ROBO1: variants seen among roughly 807,000 people sequenced by gnomAD.
ROBO1 encodes the protein roundabout homolog 1.
A neutral mutation model predicts 195.9 loss-of-function variants in ROBO1; 149 were observed. The ratio of observed to expected loss-of-function variants is 0.76; its 90% CI spans 0.67 to 0.87. ROBO1 has a LOEUF of 0.87. ROBO1 is among the 40% of genes least tolerant of loss of function. The probability of loss-of-function intolerance (pLI) is 0.00; values close to 1 mark genes in which losing one functional copy is unlikely to be tolerated. For synonymous variants in ROBO1, 816 were observed against 733.2 expected, an observed-to-expected ratio of 1.11 and a Z score of -1.82; for missense variants, 1,933 against 2,068.3, an observed-to-expected ratio of 0.93 and a Z score of 1.27.
intron 2 of ROBO1, among the ~76,000 whole-genome samples, chr3:79,238,804 A>T (rs1158517226): frequency 1.3e-4 from 20 of 152,122 alleles, no homozygotes; most frequent in Admixed American, 1.3e-3. Flanking sequence ...TATTTCTCAA[A>T]GTTGTTTCTC....
At chr3:79,339,323 A>G (rs563262579) in intron 2 of ROBO1, among the ~76,000 whole-genome samples, 1 of 152,304 alleles carries the variant, frequency 6.6e-6, no homozygotes, top group South Asian at 2.1e-4. Context: ...AATGGACCGT[A>G]AGAGCCTGCT....
At chr3:79,746,783 C>A (rs1703895757) in intron 1 of ROBO1, among the ~76,000 whole-genome samples, 1 of 151,960 alleles carries the variant, frequency 6.6e-6, no homozygotes, top group South Asian at 2.1e-4. Flanking sequence ...TCAGAGATAG[C>A]CTAAAATAGT....
intron 3 of ROBO1, among the ~76,000 whole-genome samples, chr3:79,051,745 C>T (rs1251837782): frequency 2.0e-5 from 3 of 152,124 alleles, no homozygotes; most frequent in Non-Finnish European, 4.4e-5. Context: ...ATTTCACAGA[C>T]ATTTATTAGT....
intron 4 of ROBO1, among the ~76,000 whole-genome samples, chr3:78,775,000 A>T (rs1283463398): frequency 6.6e-6 from 1 of 152,228 alleles, no homozygotes; most frequent in Non-Finnish European, 1.5e-5. Flanking sequence ...TTGAAAAAAT[A>T]GACTTTTTCC....
chr3:79,054,084 A>G (rs934219213), intron 3 of ROBO1, among the ~76,000 whole-genome samples: 1 of 152,050 alleles, frequency 6.6e-6, no homozygotes, highest in African/African-American at 2.4e-5. Context: ...ACAATTCCAT[A>G]CCTGGTAGTC....
intron 2 of ROBO1, among the ~76,000 whole-genome samples, chr3:79,516,254 T>C (rs1940939329): frequency 1.3e-5 from 2 of 152,166 alleles, no homozygotes; most frequent in Non-Finnish European, 2.9e-5. Context: ...AAGTTCTACT[T>C]GTCAGAAAGC....
chr3:79,429,669 A>G (rs1370969523), intron 2 of ROBO1, among the ~76,000 whole-genome samples: 1 of 152,152 alleles, frequency 6.6e-6, no homozygotes, highest in Non-Finnish European at 1.5e-5. Context: ...TCAGGTTTGA[A>G]GCCAGATAAT....
intron 3 of ROBO1, among the ~76,000 whole-genome samples, chr3:79,110,698 C>A (rs925414499): frequency 6.7e-6 from 1 of 150,018 alleles, no homozygotes; most frequent in Non-Finnish European, 1.5e-5. Flanking sequence ...TCATGGGTCA[C>A]TGCAGCCTTG....
At chr3:79,651,417 T>C (rs2106749728) in intron 1 of ROBO1, among the ~76,000 whole-genome samples, 1 of 152,258 alleles carries the variant, frequency 6.6e-6, no homozygotes, top group African/African-American at 2.4e-5. Context: ...GGAATACTGC[T>C]TTTTTTAAAA....
intron 2 of ROBO1, among the ~76,000 whole-genome samples, chr3:79,198,706 T>C (rs2081694010): frequency 6.6e-6 from 1 of 152,124 alleles, no homozygotes; most frequent in Non-Finnish European, 1.5e-5. Flanking sequence ...TGTCCTCTTT[T>C]ATTTCCTTGA....
intron 4 of ROBO1, among the ~76,000 whole-genome samples, chr3:78,815,120 G>A (rs1365970997): frequency 6.6e-6 from 1 of 151,946 alleles, no homozygotes; most frequent in Non-Finnish European, 1.5e-5. Flanking sequence ...CTCTCCTTGG[G>A]CCTTCCTATT....
chr3:79,591,585 A>C (rs1944000980), intron 1 of ROBO1, among the ~76,000 whole-genome samples: 1 of 151,920 alleles, frequency 6.6e-6, no homozygotes, highest in Non-Finnish European at 1.5e-5. Flanking sequence ...TTACCCTAGT[A>C]TATCACTCAT....
intron 1 of ROBO1, among the ~76,000 whole-genome samples, chr3:79,627,959 G>A (rs907981596): frequency 6.6e-6 from 1 of 151,080 alleles, no homozygotes; most frequent in Non-Finnish European, 1.5e-5. Flanking sequence ...GTCTCACACT[G>A]TGATTATCAA....
At chr3:78,865,758 A>G (rs2035136985) in intron 4 of ROBO1, among the ~76,000 whole-genome samples, 1 of 152,126 alleles carries the variant, frequency 6.6e-6, no homozygotes, top group African/African-American at 2.4e-5. Flanking sequence ...GGCATGAGCC[A>G]CCGTGCCTGG....
intron 2 of ROBO1, among the ~76,000 whole-genome samples, chr3:79,427,625 G>C (rs983874806): frequency 6.6e-6 from 1 of 152,152 alleles, no homozygotes; most frequent in African/African-American, 2.4e-5. Flanking sequence ...AGAGAACCCT[G>C]AAATAACTCC....
intron 2 of ROBO1, among the ~76,000 whole-genome samples, chr3:79,171,413 C>CA (rs34894151): frequency 0.058 from 3,776 of 65,590 alleles, 80 homozygotes; most frequent in East Asian, 0.14. Context: ...ATGAAAATTG[C>CA]AAAAAAAAAA....
intron 3 of ROBO1, among the ~76,000 whole-genome samples, chr3:79,019,839 C>T (rs1454363337): frequency 2.6e-5 from 4 of 152,028 alleles, no homozygotes; most frequent in Admixed American, 1.3e-4. Flanking sequence ...ACTCCACTCT[C>T]ACTTCTCCCC....
chr3:79,704,203 C>T (rs1029931900), intron 1 of ROBO1, among the ~76,000 whole-genome samples: 1 of 151,890 alleles, frequency 6.6e-6, no homozygotes, highest in Non-Finnish European at 1.5e-5. Flanking sequence ...CAATATCACT[C>T]AATGTCCACA....
At chr3:79,603,581 C>T (rs987619222) in intron 1 of ROBO1, among the ~76,000 whole-genome samples, 11 of 151,990 alleles carry the variant, frequency 7.2e-5, no homozygotes, top group Admixed American at 2.6e-4. Context: ...AACCCTAGGA[C>T]GGGAATCCCT....
Sources: allele counts gnomAD v4.1 joint callset (sites outside exome capture counted in the v4.1 genomes callset), GRCh38; gene constraint gnomAD v4.1.1; transcripts MANE v1.5; gene names NCBI Gene and HGNC (gene_info 2026-07-23, HGNC 2026-07-21).